USP45: variants seen among roughly 807,000 people sequenced by gnomAD.
USP45 encodes the protein ubiquitin specific peptidase 45.
A neutral mutation model predicts 95.8 loss-of-function variants in USP45; 89 were observed. The ratio of observed to expected loss-of-function variants is 0.93; its 90% CI spans 0.78 to 1.11. The LOEUF (loss-of-function observed/expected upper bound fraction) is 1.11. USP45 is among the 50% of genes least tolerant of loss of function. The probability of loss-of-function intolerance (pLI) is 0.00; values close to 1 mark genes in which losing one functional copy is unlikely to be tolerated. For synonymous variants in USP45, 281 were observed against 316.2 expected, an observed-to-expected ratio of 0.89 and a Z score of 1.18; for missense variants, 898 against 942.5, an observed-to-expected ratio of 0.95 and a Z score of 0.62.
chr6:99,462,209 A>T, intron 13 of USP45: 3 of 977,358 alleles, frequency 3.1e-6, no homozygotes, highest in Non-Finnish European at 3.6e-6. Flanking sequence ...TATGAAAAAA[A>T]TTTTCAATAA....
At chr6:99,503,887 G>C in intron 4 of USP45, 22 bp from the exon 5 acceptor site, 1 of 1,441,996 alleles carries the variant, frequency 6.9e-7, no homozygotes, top group Non-Finnish European at 9.4e-7. Flanking sequence ...TAAAATTTAA[G>C]AAAATATTAT....
At chr6:99,508,521 C>T (rs1799030647) in intron 3 of USP45, 89 bp downstream of exon 3, 1 of 1,250,986 alleles carries the variant, frequency 8.0e-7, no homozygotes, top group Non-Finnish European at 1.1e-6. Context: ...TTTATCTTAA[C>T]TCCTATGCAT....
In USP45 at chr6:99,484,004, G is replaced by GTTT. The variant is rs773687208; in HGVS notation, c.715-1124_715-1122dup. Among the ~76,000 whole-genome samples, 15 of 91,460 alleles carry GTTT rather than the reference G, an allele frequency of 1.6e-4. No homozygotes were observed. The East Asian group carries it at 3.8e-3, about 23-fold the overall frequency. 60.0% of individuals were successfully genotyped at this position (91,460 alleles called of 152,430 possible). A position where few individuals can be genotyped will look rare whatever the true frequency, so the allele number is the denominator to read the frequency against. On this transcript the variant is annotated intron_variant, in intron 7 of 17. Transcript: ENST00000500704. The stretch of plus-strand genomic sequence containing the variant: ...AAAGGACAGGCTATAATTTTCCATA[G>GTTT]TTTTTTTTTTTTTTTTTTTTTAAAG...
At chr6:99,437,098 A>G (rs1780631006) in intron 17 of USP45, 148 bp downstream of exon 17, 1 of 837,046 alleles carries the variant, frequency 1.2e-6, no homozygotes, top group South Asian at 1.8e-5. Context: ...CTCTGTCTCA[A>G]TCAATCAATC....
intron 16 of USP45, among the ~76,000 whole-genome samples, chr6:99,438,913 A>T (rs1449433355): frequency 6.6e-6 from 1 of 152,172 alleles, no homozygotes; most frequent in Non-Finnish European, 1.5e-5. Context: ...CGTAATAGGT[A>T]CTTTTTAAAA....
intron 5 of USP45, among the ~76,000 whole-genome samples, chr6:99,496,914 C>T (rs187010344): frequency 2.7e-3 from 418 of 152,144 alleles, no homozygotes; most frequent in Non-Finnish European, 3.2e-3. Flanking sequence ...AACTGATGAA[C>T]CTGCACTGAC....
intron 1 of USP45, among the ~76,000 whole-genome samples, chr6:99,512,135 T>C: frequency 6.6e-6 from 1 of 152,182 alleles, no homozygotes; most frequent in East Asian, 1.9e-4. Flanking sequence ...ATATTGGTTA[T>C]GTCTCTTTAG....
chr6:99,437,308 A>G lies in USP45; in HGVS notation c.2252T>C (p.Val751Ala), dbSNP rs1183098826. The G allele has an allele frequency of 6.2e-6, 10 of 1,613,806 alleles. No individual in the cohort carries two copies. Among genetic ancestry groups the G allele is most frequent in the Non-Finnish European group, 8.5e-6 (10 of 1,179,930 alleles). Residue 751 changes from valine to alanine, a missense_variant, in exon 17 of 18, where the codon GTG becomes GCG. Val to Ala is a moderately conservative substitution (Grantham distance 64, BLOSUM62 0). Transcript: ENST00000500704. ...TTTCCTGGAGGGTGTTCTCACTTTC[A>G]CATAAGCAGTGTAGTGGCCTTCTCT... ...SMREGHYTAY[V>A]KVRTPSRKLS...
At position 99,464,684 on chromosome 6, in the gene USP45, C is replaced by T. The variant is rs1185552601; in HGVS notation, c.1228G>A (p.Asp410Asn). Residue 410 changes from aspartate (D) to asparagine (N), a missense_variant, in exon 13 of 18, where the codon GAT becomes AAT. Physicochemically the swap from Asp to Asn is conservative, Grantham distance 23. Coordinates refer to ENST00000500704, the MANE Select transcript of USP45 (RefSeq NM_001346022.3). ...ATAGTAACATTGCCACTGTATCGAT[C>T]ATGATCTGTCTCCCGTAAACTTCTA... ...KYRSLRETDH[D>N]RYSGNVTIEN... is the part of the protein sequence containing the mutation. 2.4e-5 allele frequency: 38 copies of T among 1,612,886 alleles called. No homozygotes were observed. The highest frequency in any genetic ancestry group is 3.2e-5 in the Non-Finnish European group (38 of 1,179,790).
intron 5 of USP45, among the ~76,000 whole-genome samples, chr6:99,502,227 A>T (rs1049423218): frequency 6.6e-6 from 1 of 152,210 alleles, no homozygotes; most frequent in African/African-American, 2.4e-5. Context: ...ATGCATCCTC[A>T]TTCCCTCTGG....
Position 99,508,597 on chromosome 6 carries a change from A to G in USP45, c.273+13T>C, listed in dbSNP as rs1799047287. On this transcript the variant is annotated intron_variant, in intron 3 of 17. Transcript: ENST00000500704. Reference sequence around the variant, plus strand: ...TTTCAGACAAACTCACATATAAATAATACTTTTCTTACCTGGAAGCCACAC... The same window carrying G: ...TTTCAGACAAACTCACATATAAATAGTACTTTTCTTACCTGGAAGCCACAC... 1 of 1,607,904 alleles carries G rather than the reference A, an allele frequency of 6.2e-7. No individual in the cohort carries two copies.
At chr6:99,475,267 C>T (rs938818254) in intron 9 of USP45, among the ~76,000 whole-genome samples, 1 of 150,942 alleles carries the variant, frequency 6.6e-6, no homozygotes, top group African/African-American at 2.4e-5. Context: ...TTTCCTGTTC[C>T]TATATCCCCC....
At chr6:99,503,027 C>T (rs1308649889) in intron 5 of USP45, among the ~76,000 whole-genome samples, 1 of 152,120 alleles carries the variant, frequency 6.6e-6, no homozygotes, top group African/African-American at 2.4e-5. Flanking sequence ...TATAGAAATA[C>T]AAGAAAAGAC....
intron 2 of USP45, 129 bp from the exon 3 acceptor site, chr6:99,508,911 C>A (rs1017189167): frequency 7.1e-6 from 5 of 700,228 alleles, no homozygotes; most frequent in Non-Finnish European, 1.1e-5. Flanking sequence ...CAAAATAACT[C>A]AAAAGATATA....
At chr6:99,495,247 A>G (rs1048382418) in intron 5 of USP45, among the ~76,000 whole-genome samples, 5 of 152,248 alleles carry the variant, frequency 3.3e-5, no homozygotes, top group East Asian at 1.9e-4. Context: ...AAGAGCAAGT[A>G]TACAAAGATA....
chr6:99,470,457 A>G (rs1040475899), intron 9 of USP45, among the ~76,000 whole-genome samples: 3 of 152,206 alleles, frequency 2.0e-5, no homozygotes, highest in African/African-American at 7.2e-5. Flanking sequence ...ATAACTGTTC[A>G]CTGTCCTCAA....
At chr6:99,465,007 T>C (rs1160662370) in intron 12 of USP45, 73 bp downstream of exon 12, 4 of 1,283,638 alleles carry the variant, frequency 3.1e-6, no homozygotes, top group East Asian at 4.7e-5. Context: ...TCTGGTAATA[T>C]ACTCAACAAA....
chr6:99,497,119 A>ATT (rs1260210251), intron 5 of USP45, among the ~76,000 whole-genome samples: 1 of 148,392 alleles, frequency 6.7e-6, no homozygotes. Context: ...TCAACCACTG[A>ATT]TTTTTTTTTT....
intron 2 of USP45, 99 bp from the exon 3 acceptor site, chr6:99,508,881 A>C: frequency 9.9e-7 from 1 of 1,014,508 alleles, no homozygotes; most frequent in Non-Finnish European, 1.4e-6. Context: ...GTTAACTAAA[A>C]AGCACAGAGA....
Sources: allele counts gnomAD v4.1 joint callset (sites outside exome capture counted in the v4.1 genomes callset), GRCh38; gene constraint gnomAD v4.1.1; transcripts MANE v1.5; gene names NCBI Gene and HGNC (gene_info 2026-07-23, HGNC 2026-07-21).